The following KCMF1 variants were observed in gnomAD, a reference collection of about 807,000 sequenced individuals.
KCMF1 encodes potassium channel modulatory factor 1, also known as E3 ubiquitin-protein ligase KCMF1.
Under a neutral mutation model 41.1 loss-of-function variants are expected in KCMF1, and 3 were observed. The observed-to-expected ratio is 0.07, with a 90% CI of 0.03 to 0.19. KCMF1 has a LOEUF of 0.19. Among genes scored for constraint, KCMF1 ranks in the 10% least tolerant of loss-of-function variants. The pLI is 1.00. For synonymous variants in KCMF1, 142 were observed against 164.5 expected (o/e 0.86, Z 1.04); for missense variants, 286 against 488.9 (o/e 0.58, Z 3.91).
chr2:84,976,481 C>T (rs1401769870), intron 1 of KCMF1, among the ~76,000 whole-genome samples: 1 of 152,024 alleles, frequency 6.6e-6, no homozygotes, highest in African/African-American at 2.4e-5. Flanking sequence ...GCTGGGATTA[C>T]CGGTATGAGC....
intron 3 of KCMF1, among the ~76,000 whole-genome samples, chr2:85,037,053 C>A (rs1675421727): frequency 6.7e-6 from 1 of 149,288 alleles, no homozygotes; most frequent in Non-Finnish European, 1.5e-5. Context: ...TCTGGCATAC[C>A]TGATACACAG....
At chr2:85,007,927 A>G (rs1422114421) in intron 1 of KCMF1, among the ~76,000 whole-genome samples, 1 of 151,724 alleles carries the variant, frequency 6.6e-6, no homozygotes, top group Non-Finnish European at 1.5e-5. Context: ...CGCCTGGCTA[A>G]TTTTTTTGTA....
chr2:84,998,771 T>A (rs1460843015), intron 1 of KCMF1, among the ~76,000 whole-genome samples: 1 of 134,440 alleles, frequency 7.4e-6, no homozygotes, highest in Admixed American at 7.1e-5. Context: ...CCCAATTAAT[T>A]TTTTTTTTTT....
intron 2 of KCMF1, among the ~76,000 whole-genome samples, chr2:85,033,089 A>T (rs1675315612): frequency 6.6e-6 from 1 of 152,166 alleles, no homozygotes; most frequent in African/African-American, 2.4e-5. Flanking sequence ...ATTCTTTTTA[A>T]TATATTTATC....
chr2:85,012,285 A>G (rs983645492), intron 1 of KCMF1, among the ~76,000 whole-genome samples: 2 of 152,186 alleles, frequency 1.3e-5, no homozygotes, highest in African/African-American at 4.8e-5. Flanking sequence ...GATTGGAGTT[A>G]TTACCATACT....
At chr2:85,004,104 A>C (rs368526283) in intron 1 of KCMF1, among the ~76,000 whole-genome samples, 1 of 152,208 alleles carries the variant, frequency 6.6e-6, no homozygotes, top group African/African-American at 2.4e-5. Context: ...GCATGATGTC[A>C]TCACACTATT....
intron 1 of KCMF1, among the ~76,000 whole-genome samples, chr2:85,013,059 T>A (rs1280556672): frequency 1.3e-5 from 2 of 152,082 alleles, no homozygotes; most frequent in Non-Finnish European, 2.9e-5. Flanking sequence ...TCAGGGTGAG[T>A]CTGTTGTACT....
chr2:85,033,584 A>G (rs1239512596), intron 2 of KCMF1, among the ~76,000 whole-genome samples: 1 of 152,202 alleles, frequency 6.6e-6, no homozygotes, highest in Non-Finnish European at 1.5e-5. Flanking sequence ...AGTGACAGAC[A>G]GCCTCCCTTT....
intron 1 of KCMF1, among the ~76,000 whole-genome samples, chr2:85,005,193 C>T (rs535191131): frequency 2.1e-4 from 32 of 152,194 alleles, no homozygotes; most frequent in African/African-American, 5.8e-4. Context: ...AGGCATGAGC[C>T]GCCGTGCCTG....
chr2:85,014,584 T>A (rs1257216676), intron 1 of KCMF1, among the ~76,000 whole-genome samples: 1 of 150,942 alleles, frequency 6.6e-6, no homozygotes, highest in Non-Finnish European at 1.5e-5. Context: ...TAAACCAAGC[T>A]CTCTCTGCCT....
chr2:85,014,427 T>C (rs1348330493), intron 1 of KCMF1, among the ~76,000 whole-genome samples: 1 of 152,216 alleles, frequency 6.6e-6, no homozygotes, highest in Non-Finnish European at 1.5e-5. Flanking sequence ...AATGGCTCTT[T>C]GCCTTTGGAG....
intron 1 of KCMF1, among the ~76,000 whole-genome samples, chr2:84,974,676 TATATATATATATATA>T (rs1240304538): frequency 1.9e-4 from 8 of 41,060 alleles, no homozygotes; most frequent in African/African-American, 3.2e-4. Context: ...TATATATATA[TATATATATATATATA>T]TTTTTTTTTT....
chr2:85,001,896 TTATC>T (rs1412467154), intron 1 of KCMF1, among the ~76,000 whole-genome samples: 2 of 152,218 alleles, frequency 1.3e-5, no homozygotes, highest in South Asian at 2.1e-4. Context: ...AGCTTGTTGT[TTATC>T]TAAGCTAGAA....
intron 1 of KCMF1, among the ~76,000 whole-genome samples, chr2:85,023,176 C>A (rs935011873): frequency 1.3e-5 from 2 of 151,728 alleles, no homozygotes; most frequent in Non-Finnish European, 2.9e-5. Context: ...CGTGAGCCAC[C>A]GCGCCCGGCC....
chr2:85,041,331 T>G (rs1675529007), intron 3 of KCMF1, among the ~76,000 whole-genome samples: 1 of 152,236 alleles, frequency 6.6e-6, no homozygotes, highest in Non-Finnish European at 1.5e-5. Flanking sequence ...TTTTACATCC[T>G]TGTCTCGAAG....
intron 2 of KCMF1, 48 bp from the exon 3 acceptor site, chr2:85,034,968 A>G: frequency 6.8e-7 from 1 of 1,464,976 alleles, no homozygotes; most frequent in South Asian, 1.2e-5. Context: ...ACATTTTTAT[A>G]TGTTTAAAAA....
At chr2:85,049,772 C>G (rs1558588068) in intron 6 of KCMF1, 124 bp downstream of exon 6, 2 of 747,214 alleles carry the variant, frequency 2.7e-6, no homozygotes, top group Non-Finnish European at 4.3e-6. Flanking sequence ...TTAAAACTCA[C>G]AGATCTCTGA....
intron 1 of KCMF1, among the ~76,000 whole-genome samples, chr2:84,983,366 G>A (rs1479318163): frequency 6.6e-6 from 1 of 151,380 alleles, no homozygotes; most frequent in Non-Finnish European, 1.5e-5. Context: ...TCACTCTGTT[G>A]CCCAGGCTGG....
intron 1 of KCMF1, among the ~76,000 whole-genome samples, chr2:84,983,349 CAG>C (rs1479899481): frequency 6.6e-6 from 1 of 151,642 alleles, no homozygotes; most frequent in Non-Finnish European, 1.5e-5. Context: ...TTTTAAGAGA[CAG>C]AGTCTCACTC....
Sources: allele counts gnomAD v4.1 joint callset (sites outside exome capture counted in the v4.1 genomes callset), GRCh38; gene constraint gnomAD v4.1.1; transcripts MANE v1.5; gene names NCBI Gene and HGNC (gene_info 2026-07-23, HGNC 2026-07-21).